The following MTHFD2L variants were observed in gnomAD, a reference collection of about 807,000 sequenced individuals.
The protein encoded by MTHFD2L is bifunctional methylenetetrahydrofolate dehydrogenase/cyclohydrolase 2, mitochondrial.
MTHFD2L carries 29 observed loss-of-function variants against 34.9 expected under a neutral mutation model. That is an observed-to-expected ratio of 0.83 (90% confidence interval 0.62 to 1.13). The LOEUF (loss-of-function observed/expected upper bound fraction) is 1.13. Among genes scored for constraint, MTHFD2L ranks in the 50% most tolerant of loss-of-function variants. The probability of loss-of-function intolerance (pLI) is 0.00; values close to 1 mark genes in which losing one functional copy is unlikely to be tolerated. For synonymous variants in MTHFD2L, 167 were observed against 155.7 expected (o/e 1.07, Z -0.54); for missense variants, 481 against 446.5 (o/e 1.08, Z -0.70).
At position 74,225,296 on chromosome 4, in the gene MTHFD2L, T is replaced by A. The variant is rs1226220619; in HGVS notation, c.713-6T>A. 1 of 1,608,642 alleles carries A rather than the reference T, an allele frequency of 6.2e-7. No individual in the cohort carries two copies. Among genetic ancestry groups the A allele is most frequent in the Non-Finnish European group, 8.5e-7 (1 of 1,176,624 alleles). On this transcript the variant is annotated splice_polypyrimidine_tract_variant and splice_region_variant and intron_variant, in intron 5 of 7. Transcript: ENST00000325278. ...AATCACTGATAGAAATTCTTCTGTA[T>A]TCCAGGTGATGCAACTGTGACAATA...
At chr4:74,167,806 C>T (rs1727049414) in intron 1 of MTHFD2L, among the ~76,000 whole-genome samples, 1 of 152,210 alleles carries the variant, frequency 6.6e-6, no homozygotes, top group Non-Finnish European at 1.5e-5. Flanking sequence ...GCTAAAGTAG[C>T]TCATGCAGAA....
At chr4:74,174,082 G>T (rs1214184051) in intron 1 of MTHFD2L, among the ~76,000 whole-genome samples, 1 of 152,050 alleles carries the variant, frequency 6.6e-6, no homozygotes, top group Non-Finnish European at 1.5e-5. Flanking sequence ...TTAATAGATA[G>T]CTGTCTTCGT....
At chr4:74,118,617 G>T (rs758893120), upstream of MTHFD2L, among the ~76,000 whole-genome samples, 2 of 152,270 alleles carry the variant, frequency 1.3e-5, no homozygotes, top group East Asian at 3.9e-4. Flanking sequence ...GATGACTGGT[G>T]TCATTATAAG....
intron 6 of MTHFD2L, among the ~76,000 whole-genome samples, chr4:74,232,765 A>G (rs931727234): frequency 1.3e-5 from 2 of 150,642 alleles, no homozygotes; most frequent in African/African-American, 4.9e-5. Context: ...TTTGCCTTGT[A>G]TATACTATTT....
chr4:74,213,940 T>C (rs1736767300), intron 5 of MTHFD2L, among the ~76,000 whole-genome samples: 1 of 151,882 alleles, frequency 6.6e-6, no homozygotes, highest in Non-Finnish European at 1.5e-5. Flanking sequence ...TTGTCTTCTT[T>C]CTTTATTTAA....
At chr4:74,293,178 A>G (rs924587721) in intron 7 of MTHFD2L, among the ~76,000 whole-genome samples, 2 of 151,952 alleles carry the variant, frequency 1.3e-5, no homozygotes, top group African/African-American at 4.8e-5. Flanking sequence ...TATTTCTCCT[A>G]ATGCTATTCC....
intron 2 of MTHFD2L, among the ~76,000 whole-genome samples, chr4:74,116,263 T>C (rs1721653806): frequency 6.6e-6 from 1 of 152,134 alleles, no homozygotes; most frequent in Admixed American, 6.6e-5. Flanking sequence ...CCAGGATGGC[T>C]AGTAAAAACA....
chr4:74,189,671 T>C (rs1732122585), intron 3 of MTHFD2L, among the ~76,000 whole-genome samples: 1 of 152,032 alleles, frequency 6.6e-6, no homozygotes, highest in Non-Finnish European at 1.5e-5. Flanking sequence ...ATCTATAGAA[T>C]TACATCTTTT....
intron 4 of MTHFD2L, 78 bp from the exon 5 acceptor site, chr4:74,201,185 T>C (rs1410714577): frequency 3.0e-6 from 3 of 984,412 alleles, no homozygotes; most frequent in Non-Finnish European, 4.6e-6. Context: ...TTTAAAAGAA[T>C]GTTTCAGTTG....
At chr4:74,225,529 T>C in intron 6 of MTHFD2L, 135 bp downstream of exon 6, 1 of 672,570 alleles carries the variant, frequency 1.5e-6, no homozygotes. Context: ...GGATTCTGTC[T>C]CTTGGCAATC....
intron 7 of MTHFD2L, among the ~76,000 whole-genome samples, chr4:74,298,416 A>G (rs1386153197): frequency 6.6e-6 from 1 of 152,064 alleles, no homozygotes; most frequent in Non-Finnish European, 1.5e-5. Context: ...AAAAATGCAG[A>G]CACTGAGCTA....
At position 74,143,333 on chromosome 4, in the gene MTHFD2L, T is replaced by A. The variant is rs948830567; in HGVS notation, c.-296-16722T>A. The A allele has an allele frequency of 3.6e-6, 3 of 832,436 alleles. No homozygotes were observed. In the African/African-American group the frequency reaches 5.5e-5, roughly 15 times the overall value. The allele number at this position is 832,436 out of a possible 1,614,324, so 51.6% of individuals were successfully genotyped here. A position where few individuals can be genotyped will look rare whatever the true frequency, so the allele number is the denominator to read the frequency against. On this transcript the variant is annotated intron_variant, in intron 1 of 7. Transcript: ENST00000433372. ...GGAGTTTTCATATGGCTGGTGACAG[T>A]GAAGGCAAAGAAATATACTCTTTGA...
chr4:74,203,576 C>T (rs954466134), intron 5 of MTHFD2L, among the ~76,000 whole-genome samples: 6 of 152,098 alleles, frequency 3.9e-5, no homozygotes, highest in African/African-American at 1.2e-4. Flanking sequence ...TGGCAGAAGG[C>T]AAAGGTGGAG....
At chr4:74,225,881 T>C (rs77571159) in intron 6 of MTHFD2L, among the ~76,000 whole-genome samples, 5,281 of 152,156 alleles carry the variant, frequency 0.035, 107 homozygotes, top group Non-Finnish European at 0.054. Context: ...TGAGACCATG[T>C]CCAAAGGAGA....
intron 1 of MTHFD2L, among the ~76,000 whole-genome samples, chr4:74,150,858 A>G (rs1723891980): frequency 6.6e-6 from 1 of 152,060 alleles, no homozygotes; most frequent in African/African-American, 2.4e-5. Flanking sequence ...ATGTCTAACA[A>G]TTACCATGGA....
intron 1 of MTHFD2L, among the ~76,000 whole-genome samples, chr4:74,136,506 G>A (rs1297593370): frequency 6.6e-6 from 1 of 152,002 alleles, no homozygotes; most frequent in Non-Finnish European, 1.5e-5. Context: ...AATATTCTCC[G>A]CTCATGGATT....
At chr4:74,122,616 T>G (rs1311740818), upstream of MTHFD2L, among the ~76,000 whole-genome samples, 1 of 152,122 alleles carries the variant, frequency 6.6e-6, no homozygotes, top group Non-Finnish European at 1.5e-5. Flanking sequence ...CTGCCAAAAA[T>G]GGACCTAATC....
upstream of MTHFD2L, among the ~76,000 whole-genome samples, chr4:74,124,955 T>A (rs570461765): frequency 1.3e-3 from 196 of 151,982 alleles, no homozygotes; most frequent in African/African-American, 4.2e-3. Flanking sequence ...AAAAAAAAAA[T>A]TCTGTCTTTA....
intron 6 of MTHFD2L, chr4:74,241,550 T>C: frequency 4.5e-6 from 2 of 447,544 alleles, no homozygotes; most frequent in East Asian, 7.2e-5. Context: ...CGTAGCTAAT[T>C]TTTGTATTTT....
Sources: allele counts gnomAD v4.1 joint callset (sites outside exome capture counted in the v4.1 genomes callset), GRCh38; gene constraint gnomAD v4.1.1; transcripts MANE v1.5; gene names NCBI Gene and HGNC (gene_info 2026-07-23, HGNC 2026-07-21).